RBMS3: variants seen among roughly 807,000 people sequenced by gnomAD.
The protein encoded by RBMS3 is RNA binding motif single stranded interacting protein 3.
RBMS3 carries 27 observed loss-of-function variants against 66.8 expected under a neutral mutation model. The observed-to-expected ratio is 0.40, with a 90% CI of 0.30 to 0.56. RBMS3 has a LOEUF of 0.56. Ranked by LOEUF, RBMS3 falls within the 20% of genes least tolerant of loss-of-function variation. RBMS3 has a pLI of 0.40. For missense variants in RBMS3, 513 were observed against 549.5 expected (o/e 0.93, Z 0.66); for synonymous variants, 188 against 183.0 (o/e 1.03, Z -0.22).
intron 1 of RBMS3, among the ~76,000 whole-genome samples, chr3:29,363,322 C>T (rs1475637354): frequency 6.6e-6 from 1 of 152,086 alleles, no homozygotes; most frequent in Non-Finnish European, 1.5e-5. Context: ...AGTGCCTTTA[C>T]TACAAATAAT....
chr3:29,946,975 A>G (rs1351665197), intron 12 of RBMS3, among the ~76,000 whole-genome samples: 1 of 151,626 alleles, frequency 6.6e-6, no homozygotes, highest in Non-Finnish European at 1.5e-5. Flanking sequence ...GTGTGCAATT[A>G]TGATATTGGC....
intron 3 of RBMS3, among the ~76,000 whole-genome samples, chr3:29,524,641 G>A (rs543175785): frequency 2.0e-5 from 3 of 150,226 alleles, no homozygotes; most frequent in South Asian, 2.1e-4. Context: ...GCAGGGTTTC[G>A]CAATGTTGGC....
intron 4 of RBMS3, among the ~76,000 whole-genome samples, chr3:29,641,359 T>C (rs944173932): frequency 2.6e-5 from 4 of 152,046 alleles, no homozygotes; most frequent in Non-Finnish European, 5.9e-5. Context: ...CCACCAGTAT[T>C]TCAAAGAGGC....
chr3:29,740,256 G>A (rs9310910), intron 5 of RBMS3, among the ~76,000 whole-genome samples: 3,976 of 152,070 alleles, frequency 0.026, 161 homozygotes, highest in African/African-American at 0.09. Flanking sequence ...AAGCATCTAA[G>A]TGTTTTTGCA....
intron 1 of RBMS3, among the ~76,000 whole-genome samples, chr3:29,320,023 C>A (rs1238938800): frequency 1.3e-5 from 2 of 151,992 alleles, no homozygotes; most frequent in Admixed American, 1.3e-4. Context: ...AGACTCGAGT[C>A]AGTTAAGCTC....
chr3:29,526,902 T>A (rs992184009), intron 3 of RBMS3, among the ~76,000 whole-genome samples: 4 of 152,088 alleles, frequency 2.6e-5, no homozygotes, highest in African/African-American at 4.8e-5. Context: ...TTATCTCTTT[T>A]CATGCTAAGC....
intron 4 of RBMS3, among the ~76,000 whole-genome samples, chr3:29,620,923 T>A (rs1042786548): frequency 1.3e-5 from 2 of 152,176 alleles, no homozygotes; most frequent in African/African-American, 4.8e-5. Flanking sequence ...TGTTTTTAAT[T>A]GTGATAAAAT....
rs985360035 is a variant in RBMS3, at chr3:30,004,897, A to AAAACTT, written c.*1037_*1038insACTTAA. The AAAACTT allele has an allele frequency of 1.3e-5, 2 of 150,896 alleles. No individual in the cohort carries two copies. Among genetic ancestry groups the AAAACTT allele is most frequent in the African/African-American group, 4.9e-5 (2 of 41,066 alleles). 9.3% of individuals were successfully genotyped at this position (150,896 alleles called of 1,614,324 possible). A position where few individuals can be genotyped will look rare whatever the true frequency, so the allele number is the denominator to read the frequency against. ...CCTAGCTTAAGAGCATTAAAAAAAA[A>AAAACTT]AACTTAAGTAGATAGGAGCTTATGG... On this transcript the variant is annotated 3_prime_UTR_variant, in exon 15 of 15. Coordinates refer to ENST00000383767, the MANE Select transcript of RBMS3 (RefSeq NM_001003793.3).
chr3:29,501,569 C>T (rs1488970413), intron 3 of RBMS3, among the ~76,000 whole-genome samples: 3 of 152,088 alleles, frequency 2.0e-5, no homozygotes, highest in African/African-American at 7.2e-5. Context: ...TTCTGTTAAC[C>T]GCAGCCATTT....
chr3:29,936,080 T>A lies in RBMS3; in HGVS notation c.940-6T>A. On this transcript the variant is annotated splice_region_variant and splice_polypyrimidine_tract_variant and intron_variant, in intron 10 of 14. Transcript: ENST00000383767. Reference sequence around the variant, plus strand: ...ATTTTCAAATGGACATTGTATATGCTTGTAGGGTGCTGTGATTACACCAAC... The same window carrying A: ...ATTTTCAAATGGACATTGTATATGCATGTAGGGTGCTGTGATTACACCAAC... 1 of 1,610,730 alleles carries A rather than the reference T, an allele frequency of 6.2e-7. No homozygotes were observed. The highest frequency in any genetic ancestry group is 8.5e-7 in the Non-Finnish European group (1 of 1,177,850).
At chr3:29,750,552 T>A (rs1200389086) in intron 5 of RBMS3, among the ~76,000 whole-genome samples, 1 of 152,212 alleles carries the variant, frequency 6.6e-6, no homozygotes, top group Non-Finnish European at 1.5e-5. Context: ...AAACCTATTT[T>A]TCTAACTTTT....
At chr3:29,656,462 C>T (rs895360973) in intron 4 of RBMS3, among the ~76,000 whole-genome samples, 1 of 152,060 alleles carries the variant, frequency 6.6e-6, no homozygotes, top group Non-Finnish European at 1.5e-5. Context: ...CAGATTATGC[C>T]GTCTAGGTGT....
At chr3:29,864,970 AAGGGAGGGAGGG>A (rs540883373) in intron 6 of RBMS3, among the ~76,000 whole-genome samples, 1 of 96,476 alleles carries the variant, frequency 1.0e-5, no homozygotes, top group African/African-American at 4.8e-5. Context: ...GAAAGGAAGG[AAGGGAGGGAGGG>A]AGGAAGGAAG....
intron 2 of RBMS3, among the ~76,000 whole-genome samples, chr3:29,447,735 G>C (rs2041881311): frequency 6.6e-6 from 1 of 152,158 alleles, no homozygotes; most frequent in Non-Finnish European, 1.5e-5. Context: ...AAAACTGATG[G>C]CCATTTTGTT....
intron 6 of RBMS3, among the ~76,000 whole-genome samples, chr3:29,866,339 T>A (rs1381306153): frequency 1.3e-5 from 2 of 152,174 alleles, no homozygotes; most frequent in East Asian, 3.9e-4. Flanking sequence ...GTGGGTGTAA[T>A]GTGTGTGTCT....
intron 4 of RBMS3, among the ~76,000 whole-genome samples, chr3:29,689,214 T>A (rs1353410018): frequency 6.6e-6 from 1 of 152,150 alleles, no homozygotes; most frequent in Non-Finnish European, 1.5e-5. Context: ...AAATTTAAAC[T>A]TATTTATTAT....
chr3:29,681,482 T>C (rs1208003955), intron 4 of RBMS3, among the ~76,000 whole-genome samples: 1 of 150,876 alleles, frequency 6.6e-6, no homozygotes, highest in African/African-American at 2.4e-5. Context: ...TTAGCTAGTC[T>C]TCCTTATGCT....
At chr3:29,567,137 T>A (rs2046772798) in intron 3 of RBMS3, among the ~76,000 whole-genome samples, 1 of 152,156 alleles carries the variant, frequency 6.6e-6, no homozygotes, top group East Asian at 1.9e-4. Context: ...TATTACCTTA[T>A]GAGAGAAATC....
intron 6 of RBMS3, among the ~76,000 whole-genome samples, chr3:29,824,515 T>G (rs1458593513): frequency 6.6e-6 from 1 of 152,222 alleles, no homozygotes; most frequent in Middle Eastern, 3.2e-3. Context: ...ACAACTCCTT[T>G]GTGTAAATCT....
Sources: gnomAD v4.1 joint callset for allele counts (sites outside exome capture counted in the v4.1 genomes callset) on GRCh38, gnomAD v4.1.1 for gene constraint, MANE v1.5 for transcripts, NCBI Gene and HGNC (gene_info 2026-07-23, HGNC 2026-07-21) for gene names.